The following ZFP64 variants were observed in gnomAD, a reference collection of about 807,000 sequenced individuals.
ZFP64 encodes ZFP64 zinc finger protein.
A neutral mutation model predicts 51.6 loss-of-function variants in ZFP64; 14 were observed. The ratio of observed to expected loss-of-function variants is 0.27; its 90% confidence interval spans 0.18 to 0.42. The LOEUF (loss-of-function observed/expected upper bound fraction) is 0.42, where lower values mean the gene tolerates loss of function less well. ZFP64 is among the 10% of genes least tolerant of loss of function. The pLI is 1.00. For missense variants in ZFP64, 754 were observed against 906.8 expected (o/e 0.83, Z 2.16); for synonymous variants, 375 against 361.4 (o/e 1.04, Z -0.43).
At position 52,144,492 on chromosome 20, in the gene ZFP64, A is replaced by G. The variant is rs1980415010; in HGVS notation, c.763+15631T>C. On this transcript the variant is annotated intron_variant, in intron 5 of 8. Transcript: ENST00000361387. ...CTATTCGGGAGGCTGAGGCAGGAGAATCGCTTGAATTCGAGAGGTGGAGGT... is the reference window on the plus strand; with the variant it reads ...CTATTCGGGAGGCTGAGGCAGGAGAGTCGCTTGAATTCGAGAGGTGGAGGT... 2.1e-5 allele frequency among the ~76,000 whole-genome samples: 3 copies of G among 144,784 alleles called. No individual in the cohort carries two copies. The South Asian group carries it at 6.7e-4, about 32-fold the overall frequency. The allele number at this position is 144,784 out of a possible 152,430, so 95.0% of individuals were successfully genotyped here.
chr20:52,188,123 C>A (rs369662755), intron 1 of ZFP64, among the ~76,000 whole-genome samples: 1 of 151,990 alleles, frequency 6.6e-6, no homozygotes, highest in African/African-American at 2.4e-5. Flanking sequence ...GCTTCTGCAG[C>A]CATCTTGTAA....
chr20:52,125,420 T>C (rs1388131367), intron 5 of ZFP64, among the ~76,000 whole-genome samples: 1 of 152,214 alleles, frequency 6.6e-6, no homozygotes, highest in African/African-American at 2.4e-5. Flanking sequence ...GCAGGTGGCA[T>C]ACTGGAACTG....
chr20:52,153,688 A>G lies in ZFP64; in HGVS notation c.764-260T>C, dbSNP rs1600763273. 6.6e-6 allele frequency among the ~76,000 whole-genome samples: 1 copy of G among 152,252 alleles called. No homozygotes were observed. Among genetic ancestry groups the G allele is most frequent in the Non-Finnish European group, 1.5e-5 (1 of 68,044 alleles). ...GAGCAATTTAATTGTCCCAGATAAA[A>G]TAAGATTTACAAGTATACTTGTTAT... is the stretch of plus-strand genomic sequence containing the variant. On this transcript the variant is annotated intron_variant, in intron 5 of 5. Transcript: ENST00000216923. The surrounding 1 kb of genome is among the most constrained non-coding windows in gnomAD (Gnocchi z 5.1).
chr20:52,169,921 C>T (rs1026517461), intron 2 of ZFP64, among the ~76,000 whole-genome samples: 1 of 152,010 alleles, frequency 6.6e-6, no homozygotes, highest in Non-Finnish European at 1.5e-5. Context: ...GGCATGGTGG[C>T]ATATGCCTGT....
chr20:52,100,180 G>A (rs111354574), intron 5 of ZFP64, among the ~76,000 whole-genome samples: 4,910 of 152,088 alleles, frequency 0.032, 285 homozygotes, highest in African/African-American at 0.11. Context: ...CAGTAGAGAT[G>A]GGGTTCCACT....
Position 52,152,355 on chromosome 20 carries a change from C to A in ZFP64, c.1837G>T (p.Asp613Tyr), listed in dbSNP as rs1250388104. Reference sequence around the variant, plus strand: ...ATCAAGGCGTTTAGGCCTTCAAAGTCAGTGCAAGTAATACCCGAACTGGTA... The same window carrying A: ...ATCAAGGCGTTTAGGCCTTCAAAGTAAGTGCAAGTAATACCCGAACTGGTA... ...FITSSGITCT[D>Y]FEGLNALIQE... The change falls in exon 6 of 6, where the codon GAC becomes TAC. Residue 613 changes from aspartate (D) to tyrosine (Y), a missense_variant. Asp to Tyr is a radical substitution (Grantham distance 160, BLOSUM62 -3). Coordinates refer to ENST00000216923, the MANE Select transcript of ZFP64 (RefSeq NM_018197.3). The A allele has an allele frequency of 1.2e-6, 2 of 1,614,174 alleles. No homozygotes were observed. The highest frequency in any genetic ancestry group is 3.3e-5 in the Admixed American group (2 of 60,028).
intron 5 of ZFP64, among the ~76,000 whole-genome samples, chr20:52,103,291 T>C (rs2079073216): frequency 6.6e-6 from 1 of 152,194 alleles, no homozygotes; most frequent in Non-Finnish European, 1.5e-5. Flanking sequence ...CATTTTATTT[T>C]CCTCCAAAAG....
chr20:52,140,165 G>C lies in ZFP64; in HGVS notation c.763+19958C>G, dbSNP rs6126476. 9.9e-3 allele frequency among the ~76,000 whole-genome samples: 1,499 copies of C among 152,058 alleles called. 56 individuals are homozygous for C. The highest frequency in any genetic ancestry group is 0.066 in the Admixed American group (1,012 of 15,256). Reference sequence around the variant, plus strand: ...GTTCCCCATCTCTCTCCCTCTATTTGAGCTTCCCTATTCCCTGAGACCCAA... The same window carrying C: ...GTTCCCCATCTCTCTCCCTCTATTTCAGCTTCCCTATTCCCTGAGACCCAA... On this transcript the variant is annotated intron_variant, in intron 5 of 8. Coordinates refer to the ZFP64 transcript ENST00000361387.
intron 5 of ZFP64, among the ~76,000 whole-genome samples, chr20:52,155,004 C>T (rs902869815): frequency 1.8e-4 from 28 of 151,936 alleles, no homozygotes; most frequent in African/African-American, 6.8e-4. Flanking sequence ...TCCATGGAAC[C>T]CTTCTTAGAT....
chr20:52,094,143 T>A (rs2078959260), intron 7 of ZFP64, among the ~76,000 whole-genome samples: 1 of 152,066 alleles, frequency 6.6e-6, no homozygotes, highest in Non-Finnish European at 1.5e-5. Context: ...CTGGGGTGAC[T>A]GTGGGGGATA....
At position 52,160,904 on chromosome 20, in the gene ZFP64, C is replaced by A. The variant is rs1981734854; in HGVS notation, c.512-530G>T. 6.6e-6 allele frequency among the ~76,000 whole-genome samples: 1 copy of A among 152,098 alleles called. No homozygotes were observed. Among genetic ancestry groups the A allele is most frequent in the Non-Finnish European group, 1.5e-5 (1 of 68,014 alleles). ...CTCTTTCACAAGAGGAAACGGCTTGCCTTTTACATTTTCTCTTTTCCTGCT... is the reference window on the plus strand; with the variant it reads ...CTCTTTCACAAGAGGAAACGGCTTGACTTTTACATTTTCTCTTTTCCTGCT... On this transcript the variant is annotated intron_variant, in intron 4 of 5. Transcript: ENST00000216923. This position sits in a 1 kb window ranked among gnomAD's most constrained non-coding sequence, Gnocchi z 4.2.
intron 8 of ZFP64, among the ~76,000 whole-genome samples, chr20:52,087,368 T>C (rs1307190639): frequency 6.6e-6 from 1 of 152,248 alleles, no homozygotes; most frequent in African/African-American, 2.4e-5. Flanking sequence ...TTTTTTCCCG[T>C]AATCTCTGGG....
At chr20:52,157,596 C>G (rs954461649) in intron 5 of ZFP64, among the ~76,000 whole-genome samples, 1 of 152,226 alleles carries the variant, frequency 6.6e-6, no homozygotes, top group East Asian at 1.9e-4. Flanking sequence ...TAGGGGGAAC[C>G]TGTGCCCAGA....
chr20:52,176,688 T>C (rs972279520), intron 2 of ZFP64, among the ~76,000 whole-genome samples: 1 of 151,714 alleles, frequency 6.6e-6, no homozygotes, highest in African/African-American at 2.4e-5. Context: ...TTTTTGTATT[T>C]TTAGTAGAGA....
intron 5 of ZFP64, among the ~76,000 whole-genome samples, chr20:52,118,047 C>T (rs940975845): frequency 2.6e-5 from 4 of 152,102 alleles, no homozygotes; most frequent in African/African-American, 9.7e-5. Flanking sequence ...ATCCTCCTGC[C>T]CAGATCTCCC....
rs75130414 is a variant in ZFP64 at position 52,164,757 on chromosome 20, C to T, written c.449G>A (p.Gly150Asp). The change falls in exon 4 of 6, where the codon GGT (glycine) becomes GAT (aspartate). Residue 150 changes from glycine (G) to aspartate (D), a missense_variant and splice_region_variant. By Grantham distance (94) the Gly-to-Asp change is moderately conservative. Coordinates refer to ENST00000216923, the MANE Select transcript of ZFP64 (RefSeq NM_018197.3). Reference protein sequence around the residue: ...AQKRLNCCYPGCQFKTAYGMK... With the variant: ...AQKRLNCCYPDCQFKTAYGMK... ...GCCATAAGCAGTCTTGAATTGGCAA[C>T]CTAAAAAAAAAAAGGAAAGATTAAT... 1.3e-6 allele frequency: 2 copies of T among 1,579,820 alleles called. No individual in the cohort carries two copies. The highest frequency in any genetic ancestry group is 1.1e-5 in the South Asian group (1 of 89,810).
chr20:52,186,533 G>A (rs1179014745), intron 2 of ZFP64, among the ~76,000 whole-genome samples: 4 of 150,150 alleles, frequency 2.7e-5, no homozygotes, highest in Middle Eastern at 6.8e-3. Flanking sequence ...TTATTGCAAC[G>A]TATTTTCTGC....
At chr20:52,165,746 T>C in intron 3 of ZFP64, 118 bp downstream of exon 3, 1 of 1,381,592 alleles carries the variant, frequency 7.2e-7, no homozygotes, top group Non-Finnish European at 1.0e-6. Flanking sequence ...CTCTGATTTT[T>C]ATGCCAGGTA....
At chr20:52,163,472 GTTT>G (rs1361707299) in intron 4 of ZFP64, among the ~76,000 whole-genome samples, 2 of 152,216 alleles carry the variant, frequency 1.3e-5, no homozygotes, top group African/African-American at 4.8e-5. Context: ...CACATGGAGA[GTTT>G]AATTGCTTAT....
Sources: gnomAD v4.1 joint callset for allele counts (sites outside exome capture counted in the v4.1 genomes callset) on GRCh38, gnomAD v4.1.1 for gene constraint, Gnocchi (gnomAD v3.1) non-coding constraint, MANE v1.5 for transcripts, NCBI Gene and HGNC (gene_info 2026-07-23, HGNC 2026-07-21) for gene names.